The following RAB11FIP4 variants were observed in gnomAD, a reference collection of about 807,000 sequenced individuals.
RAB11FIP4 encodes the protein RAB11 family interacting protein 4, also known as rab11 family-interacting protein 4.
Under a neutral mutation model 74.3 loss-of-function variants are expected in RAB11FIP4, and 23 were observed. The observed-to-expected ratio is 0.31, with a 90% CI of 0.22 to 0.44. The LOEUF (loss-of-function observed/expected upper bound fraction) is 0.44, where lower values mean the gene tolerates loss of function less well. Among genes scored for constraint, RAB11FIP4 ranks in the 20% least tolerant of loss-of-function variants. The pLI is 1.00. For missense variants in RAB11FIP4, 630 were observed against 863.9 expected, an observed-to-expected ratio of 0.73 and a Z score of 3.39; for synonymous variants, 360 against 359.9, an observed-to-expected ratio of 1.00 and a Z score of 0.00.
chr17:31,521,080 G>A, intron 4 of RAB11FIP4, 86 bp from the exon 5 acceptor site: 1 of 1,098,212 alleles, frequency 9.1e-7, no homozygotes, highest in Non-Finnish European at 1.3e-6. Context: ...GCCAATTAAA[G>A]GGAAATGCCT....
intron 3 of RAB11FIP4, among the ~76,000 whole-genome samples, chr17:31,447,040 T>C (rs1055022026): frequency 5.9e-5 from 9 of 152,012 alleles, no homozygotes; most frequent in Admixed American, 6.5e-5. Context: ...ATCCCAGTAC[T>C]TTGGGAGGCC....
chr17:31,454,761 G>A (rs1439416714), intron 3 of RAB11FIP4, among the ~76,000 whole-genome samples: 3 of 152,108 alleles, frequency 2.0e-5, no homozygotes, highest in African/African-American at 7.2e-5. Context: ...GTTCCTGCCT[G>A]TAGTCCCAGC....
chr17:31,526,355 TC>T (rs913702446), intron 10 of RAB11FIP4: 13 of 152,114 alleles, frequency 8.5e-5, no homozygotes, highest in African/African-American at 3.1e-4. Context: ...GTCACACAGC[TC>T]CGGGGGCGCC....
intron 1 of RAB11FIP4, among the ~76,000 whole-genome samples, chr17:31,405,554 G>C (rs1331772036): frequency 1.3e-5 from 2 of 152,076 alleles, no homozygotes; most frequent in Non-Finnish European, 2.9e-5. Flanking sequence ...TGTATTTTTA[G>C]TAGAGACGGG....
chr17:31,532,020 G>T lies in RAB11FIP4; in HGVS notation c.*288G>T. ...GAGGAGGCAAGGTCTGCTATCAGGA[G>T]TTACTGTAAAAACAAGAACTGGAAG... On this transcript the variant is annotated 3_prime_UTR_variant, in exon 15 of 15. Transcript: ENST00000621161. The T allele has an allele frequency of 3.0e-6, 1 of 328,818 alleles. No homozygotes were observed. The highest frequency in any genetic ancestry group is 5.6e-6 in the Non-Finnish European group (1 of 177,644). 20.4% of individuals were successfully genotyped at this position (328,818 alleles called of 1,614,324 possible).
chr17:31,523,745 C>G, intron 8 of RAB11FIP4, 134 bp downstream of exon 8: 2 of 1,038,100 alleles, frequency 1.9e-6, no homozygotes, highest in Non-Finnish European at 3.0e-6. Flanking sequence ...TGGCCCTGGT[C>G]ACGTGTTCCC....
At chr17:31,485,096 G>A (rs931946234) in intron 3 of RAB11FIP4, among the ~76,000 whole-genome samples, 6 of 152,286 alleles carry the variant, frequency 3.9e-5, no homozygotes, top group Middle Eastern at 3.4e-3. Context: ...CATTGCACTA[G>A]ACACTTTATC....
chr17:31,522,265 G>T (rs2072681551), intron 6 of RAB11FIP4, 95 bp from the exon 7 acceptor site: 10 of 1,377,876 alleles, frequency 7.3e-6, no homozygotes, highest in Non-Finnish European at 1.0e-5. Context: ...GGAGGGAAGA[G>T]CCTTGTCCTG....
Position 31,523,522 on chromosome 17 carries a change from C to A in RAB11FIP4, c.940C>A (p.His314Asn). The A allele has an allele frequency of 6.2e-7, 1 of 1,613,830 alleles. No homozygotes were observed. The highest frequency in any genetic ancestry group is 8.5e-7 in the Non-Finnish European group (1 of 1,179,778). Residue 314 changes from histidine to asparagine, a missense_variant, in exon 8 of 15, where the codon CAC becomes AAC. Transcript: ENST00000621161. ...CTCCCACCCCTGCAGGCAGCTCATG[C>A]ACAGCAGCAACTTCAGCAGCAGCAA... ...SSTAFGRQLM[H>N]SSNFSSSNGS... is the part of the protein sequence containing the mutation.
At position 31,530,320 on chromosome 17, in the gene RAB11FIP4, C is replaced by G; in HGVS notation, c.1654-6C>G. 3.1e-6 allele frequency: 5 copies of G among 1,613,952 alleles called. No individual in the cohort carries two copies. The highest frequency in any genetic ancestry group is 3.4e-6 in the Non-Finnish European group (4 of 1,179,880). ...GTTGATGTCGCCTTCGTCCTTCTCT[C>G]TGTAGGAGAATTATAAGCTGCGGGA... On this transcript the variant is annotated splice_region_variant and splice_polypyrimidine_tract_variant and intron_variant, in intron 13 of 14. Coordinates refer to ENST00000621161, the MANE Select transcript of RAB11FIP4 (RefSeq NM_032932.6).
chr17:31,466,070 G>A (rs900419743), intron 3 of RAB11FIP4, among the ~76,000 whole-genome samples: 5 of 151,974 alleles, frequency 3.3e-5, no homozygotes, highest in Admixed American at 6.6e-5. Context: ...CTTGAACCCG[G>A]GAGGCGGAGG....
At chr17:31,414,409 A>G (rs2071127704) in intron 1 of RAB11FIP4, among the ~76,000 whole-genome samples, 1 of 152,218 alleles carries the variant, frequency 6.6e-6, no homozygotes, top group Non-Finnish European at 1.5e-5. Context: ...AAAGGAACGG[A>G]CAGATGGGCG....
At chr17:31,525,461 G>A in intron 10 of RAB11FIP4, 1 of 562,522 alleles carries the variant, frequency 1.8e-6, no homozygotes, top group Non-Finnish European at 3.1e-6. Flanking sequence ...ATTTGGTAAT[G>A]CAAACCACAC....
intron 3 of RAB11FIP4, among the ~76,000 whole-genome samples, chr17:31,447,669 C>T (rs546140038): frequency 1.2e-4 from 18 of 151,568 alleles, no homozygotes; most frequent in African/African-American, 4.4e-4. Context: ...ATTACACACG[C>T]GCACCCCCAT....
intron 1 of RAB11FIP4, among the ~76,000 whole-genome samples, chr17:31,428,691 C>T (rs908600079): frequency 1.3e-5 from 2 of 152,116 alleles, no homozygotes; most frequent in African/African-American, 4.8e-5. Context: ...TCAGTCATCA[C>T]TTGTTGAATA....
At chr17:31,435,715 C>T (rs1214490142) in intron 3 of RAB11FIP4, among the ~76,000 whole-genome samples, 5 of 152,184 alleles carry the variant, frequency 3.3e-5, no homozygotes, top group Non-Finnish European at 7.3e-5. Flanking sequence ...GTTCCCTGGG[C>T]AGGACTGGAG....
chr17:31,444,908 A>G (rs1002975759), intron 3 of RAB11FIP4, among the ~76,000 whole-genome samples: 1 of 152,044 alleles, frequency 6.6e-6, no homozygotes, highest in African/African-American at 2.4e-5. Context: ...TCCCTCATTA[A>G]TGAGTCTAGT....
At chr17:31,425,007 CATA>C (rs777688480) in intron 1 of RAB11FIP4, among the ~76,000 whole-genome samples, 3 of 152,194 alleles carry the variant, frequency 2.0e-5, no homozygotes, top group Non-Finnish European at 4.4e-5. Context: ...AACCTGTCAG[CATA>C]ATAATAGTGA....
chr17:31,527,746 C>T (rs1474545620), intron 10 of RAB11FIP4, 96 bp from the exon 11 acceptor site: 18 of 854,836 alleles, frequency 2.1e-5, no homozygotes, highest in Non-Finnish European at 3.1e-5. Flanking sequence ...GGTATCTTTC[C>T]TCTGGGAGGA....
Sources: gnomAD v4.1 joint callset for allele counts (sites outside exome capture counted in the v4.1 genomes callset) on GRCh38, gnomAD v4.1.1 for gene constraint, MANE v1.5 for transcripts, NCBI Gene and HGNC (gene_info 2026-07-23, HGNC 2026-07-21) for gene names.